Variants in CA11 observed in about 807,000 individuals in gnomAD.
The protein encoded by CA11 is carbonic anhydrase 11 (inactive), also known as carbonic anhydrase-related protein 11.
In CA11, 20 loss-of-function variants were observed where a neutral mutation model predicts 39.3. The ratio of observed to expected loss-of-function variants is 0.51; its 90% confidence interval spans 0.36 to 0.74. The LOEUF is 0.74. Ranked by LOEUF, CA11 falls within the 30% of genes least tolerant of loss-of-function variation. The probability of loss-of-function intolerance (pLI) is 0.00; values close to 1 mark genes in which losing one functional copy is unlikely to be tolerated. For missense variants in CA11, 336 were observed against 424.6 expected (o/e 0.79, Z 1.83); for synonymous variants, 166 against 172.5 (o/e 0.96, Z 0.29).
At position 48,639,644 on chromosome 19, in the gene CA11, G is replaced by T. The variant is rs747787044; in HGVS notation, c.568-23C>A. 4.3e-6 allele frequency: 7 copies of T among 1,612,686 alleles called. No homozygotes were observed. In the South Asian group the frequency reaches 4.4e-5, roughly 10 times the overall value. ...AACCTGTGTGGGGGTACGAGGTGAG[G>T]ACACAGGAGCCCAGAAGTCCAAGCC... is the stretch of plus-strand genomic sequence containing the variant. On this transcript the variant is annotated intron_variant, in intron 5 of 8. Coordinates refer to ENST00000084798, the MANE Select transcript of CA11 (RefSeq NM_001217.5).
Position 48,639,996 on chromosome 19 carries a change from C to T in CA11, c.471+99G>A. The T allele has an allele frequency of 4.6e-6, 7 of 1,509,596 alleles. No homozygotes were observed. In the Admixed American group the frequency reaches 1.2e-4, roughly 26 times the overall value. 93.5% of individuals were successfully genotyped at this position (1,509,596 alleles called of 1,614,324 possible). A position where few individuals can be genotyped will look rare whatever the true frequency, so the allele number is the denominator to read the frequency against. ...TAGTGCTTAGGGTGGGAGGCCAGTT[C>T]TGTGGAGGAGGATGGGGTGAGACAC... On this transcript the variant is annotated intron_variant, in intron 4 of 8. Coordinates refer to ENST00000084798, the MANE Select transcript of CA11 (RefSeq NM_001217.5).
At position 48,639,611 on chromosome 19, in the gene CA11, G is replaced by A. The variant is rs758966880; in HGVS notation, c.578C>T (p.Thr193Ile). The change falls in exon 6 of 9, where the codon ACC (threonine) becomes ATC (isoleucine). Residue 193 changes from threonine to isoleucine, a missense_variant. Coordinates refer to ENST00000084798, the MANE Select transcript of CA11 (RefSeq NM_001217.5). ...ILSLFVNVAS[T>I]SNPFLSRLLN... is the part of the protein sequence containing the mutation. ...GAGGCGACTGAGGAATGGGTTAGAG[G>A]TACTGGCAACCTGTGTGGGGGTACG... 6.2e-7 allele frequency: 1 copy of A among 1,613,910 alleles called. No homozygotes were observed. The highest frequency in any genetic ancestry group is 8.5e-7 in the Non-Finnish European group (1 of 1,179,954).
intron 2 of CA11, 105 bp downstream of exon 2, chr19:48,645,298 A>G: frequency 2.1e-6 from 2 of 970,014 alleles, no homozygotes; most frequent in Admixed American, 2.2e-5. Context: ...GGGGGCTGGG[A>G]CTCCTGGTCC....
intron 2 of CA11, 29 bp downstream of exon 2, chr19:48,645,374 G>A: frequency 6.4e-7 from 1 of 1,555,230 alleles, no homozygotes; most frequent in South Asian, 1.2e-5. Context: ...CGGGAGGGCC[G>A]GACTCCTGGG....
In CA11 at chr19:48,638,177, A is replaced by C. The variant is rs371860861; in HGVS notation, c.962-33T>G. 57 of 1,112,582 alleles carry C rather than the reference A, an allele frequency of 5.1e-5. No individual in the cohort carries two copies. The African/African-American group carries it at 9.7e-4, about 19-fold the overall frequency. 68.9% of individuals were successfully genotyped at this position (1,112,582 alleles called of 1,614,324 possible). A position where few individuals can be genotyped will look rare whatever the true frequency, so the allele number is the denominator to read the frequency against. On this transcript the variant is annotated intron_variant, in intron 8 of 8. Coordinates refer to ENST00000084798, the MANE Select transcript of CA11 (RefSeq NM_001217.5). The stretch of plus-strand genomic sequence containing the variant: ...ACAGAGAACAACGGCAGGGGGCGTC[A>C]GTATAGGATGGAAGGGGCGGGGGGT...
chr19:48,638,265 C>T, intron 8 of CA11, 121 bp from the exon 9 acceptor site: 2 of 1,185,572 alleles, frequency 1.7e-6, no homozygotes, highest in Non-Finnish European at 2.1e-6. Context: ...AGCGGGGAAC[C>T]AGAATGTACT....
rs575452478 is a variant in CA11 at position 48,639,061 on chromosome 19, G to C, written c.796-8C>G. 3.1e-6 allele frequency: 5 copies of C among 1,613,814 alleles called. No individual in the cohort carries two copies. In the African/African-American group the frequency reaches 6.7e-5, roughly 22 times the overall value. Reference sequence around the variant, plus strand: ...GAGTCTCAGGGAGTGCATCTGCAGTGGAAGGAGGGTGGGAAACTGGGAGTG... The same window carrying C: ...GAGTCTCAGGGAGTGCATCTGCAGTCGAAGGAGGGTGGGAAACTGGGAGTG... On this transcript the variant is annotated splice_region_variant and splice_polypyrimidine_tract_variant and intron_variant, in intron 7 of 8. Coordinates refer to ENST00000084798, the MANE Select transcript of CA11 (RefSeq NM_001217.5).
chr19:48,640,788 C>T (rs1601188859), intron 3 of CA11, among the ~76,000 whole-genome samples: 1 of 152,094 alleles, frequency 6.6e-6, no homozygotes, highest in East Asian at 1.9e-4. Context: ...CATTCTCCTG[C>T]CTCAGCCTCC....
At chr19:48,639,123 C>T in intron 7 of CA11, 70 bp from the exon 8 acceptor site, 1 of 1,590,612 alleles carries the variant, frequency 6.3e-7, no homozygotes, top group Admixed American at 1.7e-5. Flanking sequence ...CGCAGGAAAC[C>T]CCGCCCCTGG....
At chr19:48,644,887 G>C (rs1270470115) in intron 2 of CA11, among the ~76,000 whole-genome samples, 1 of 152,024 alleles carries the variant, frequency 6.6e-6, no homozygotes, top group Non-Finnish European at 1.5e-5. Flanking sequence ...GAGCCACCGC[G>C]CCCAGCCGAT....
rs368377340 is a variant in CA11 at position 48,644,477 on chromosome 19, G to T, written c.235C>A (p.Leu79Ile). The change falls in exon 3 of 9, where the codon CTT (leucine) becomes ATT (isoleucine). Residue 79 changes from leucine to isoleucine, a missense_variant. Leu to Ile is a conservative substitution (Grantham distance 5). Transcript: ENST00000084798. ...SPVDVELKRV[L>I]YDPFLPPLRL... The stretch of plus-strand genomic sequence containing the variant: ...AATGGGGGCAGAAAGGGGTCATAAA[G>T]AACCCTCTTCAGCTCCACATCCACG... 6.2e-7 allele frequency: 1 copy of T among 1,611,420 alleles called. No homozygotes were observed. Among genetic ancestry groups the T allele is most frequent in the Non-Finnish European group, 8.5e-7 (1 of 1,178,310 alleles).
intron 3 of CA11, among the ~76,000 whole-genome samples, chr19:48,641,144 C>T (rs28432259): frequency 0.15 from 23,478 of 151,706 alleles, 3,446 homozygotes; most frequent in African/African-American, 0.37. Context: ...CACACCCAGC[C>T]AATTTTTGTA....
rs561605224 is a variant in CA11, at chr19:48,645,849, C to A, written c.-217G>T. ...TCTCCCGTCTCTCTGTGTCTTTCCTCTTTCCTCTGCTCTTTTCCCGGAACC... is the reference window on the plus strand; with the variant it reads ...TCTCCCGTCTCTCTGTGTCTTTCCTATTTCCTCTGCTCTTTTCCCGGAACC... On this transcript the variant is annotated 5_prime_UTR_variant, in exon 1 of 9. Coordinates refer to ENST00000084798, the MANE Select transcript of CA11 (RefSeq NM_001217.5). 3.8e-4 allele frequency: 200 copies of A among 533,334 alleles called. No homozygotes were observed. The African/African-American group carries it at 3.8e-3, about 10-fold the overall frequency. 33.0% of individuals were successfully genotyped at this position (533,334 alleles called of 1,614,324 possible).
In CA11 at chr19:48,644,552, G is replaced by A. The variant is rs2031188916; in HGVS notation, c.160C>T (p.Leu54=). The A allele has an allele frequency of 6.3e-7, 1 of 1,596,852 alleles. No homozygotes were observed. Among genetic ancestry groups the A allele is most frequent in the Non-Finnish European group, 8.5e-7 (1 of 1,170,252 alleles). The change falls in exon 3 of 9, where the codon CTG becomes TTG. Residue 54 remains leucine (L), a synonymous_variant. Transcript: ENST00000084798. ...CACAGACTCCACGCTGCATTCACCA[G>A]GCCCCAGAAAGGAGGCCCTGGGGGT... ...NFVPGPPFWG[L]VNAAWSLCAV...
chr19:48,638,111 G>T lies in CA11; in HGVS notation c.*8C>A. 7.0e-7 allele frequency: 1 copy of T among 1,433,110 alleles called. No homozygotes were observed. The highest frequency in any genetic ancestry group is 2.9e-5 in the Admixed American group (1 of 34,176). 88.8% of individuals were successfully genotyped at this position (1,433,110 alleles called of 1,614,324 possible). A position where few individuals can be genotyped will look rare whatever the true frequency, so the allele number is the denominator to read the frequency against. ...AGGACGGGCGGGTGCAATCCTCGAA[G>T]GGGAGTCTCAGCGACCATGGGGGAC... On this transcript the variant is annotated 3_prime_UTR_variant, in exon 9 of 9. Transcript: ENST00000084798.
At position 48,638,892 on chromosome 19, in the gene CA11, C is replaced by A. The variant is rs1362099745; in HGVS notation, c.957G>T (p.Leu319=). 2 of 1,587,054 alleles carry A rather than the reference C, an allele frequency of 1.3e-6. No individual in the cohort carries two copies. Among genetic ancestry groups the A allele is most frequent in the South Asian group, 1.1e-5 (1 of 87,230 alleles). Residue 319 remains leucine (L), a synonymous_variant, in exon 8 of 9, where the codon CTG becomes CTT. Coordinates refer to ENST00000084798, the MANE Select transcript of CA11 (RefSeq NM_001217.5). Reference sequence around the variant, plus strand: ...GGGGTGCAGACTGGACCATACCATGCAGGCGGTAGTTGGGGCCTCGGCAGC... The same window carrying A: ...GGGGTGCAGACTGGACCATACCATGAAGGCGGTAGTTGGGGCCTCGGCAGC... The part of the protein sequence containing the change: ...ERRCRGPNYR[L]HVDGVPHGR
chr19:48,645,654 C>A lies in CA11; in HGVS notation c.-22G>T. On this transcript the variant is annotated 5_prime_UTR_variant, in exon 1 of 9. Transcript: ENST00000084798. ...CCATCCCCAGGAGGCCTCCGAGGGA[C>A]CCCTGCCCAACGCCCTGCCCCCCTC... The A allele has an allele frequency of 6.5e-7, 1 of 1,528,920 alleles. No homozygotes were observed. 94.7% of individuals were successfully genotyped at this position (1,528,920 alleles called of 1,614,324 possible). A position where few individuals can be genotyped will look rare whatever the true frequency, so the allele number is the denominator to read the frequency against.
At chr19:48,642,799 T>G (rs1051935286) in intron 3 of CA11, among the ~76,000 whole-genome samples, 16 of 151,882 alleles carry the variant, frequency 1.1e-4, no homozygotes, top group Non-Finnish European at 1.6e-4. Flanking sequence ...TGAAAGGATT[T>G]GAATAATATT....
intron 3 of CA11, among the ~76,000 whole-genome samples, chr19:48,641,048 C>T (rs1040486699): frequency 4.0e-5 from 6 of 149,506 alleles, no homozygotes; most frequent in African/African-American, 1.5e-4. Flanking sequence ...GGTGAGATCT[C>T]GCCTCACTGC....
Sources: gnomAD v4.1 joint callset for allele counts (sites outside exome capture counted in the v4.1 genomes callset) on GRCh38, gnomAD v4.1.1 for gene constraint, MANE v1.5 for transcripts, NCBI Gene and HGNC (gene_info 2026-07-23, HGNC 2026-07-21) for gene names.